DLGAP2: variants seen among roughly 807,000 people sequenced by gnomAD.
DLGAP2 encodes the protein DLG associated protein 2, also known as disks large-associated protein 2.
In DLGAP2, 26 loss-of-function variants were observed where a neutral mutation model predicts 100.3. The observed-to-expected ratio is 0.26, with a 90% CI of 0.19 to 0.36. The LOEUF (loss-of-function observed/expected upper bound fraction) is 0.36. DLGAP2 is among the 10% of genes least tolerant of loss of function. DLGAP2 has a pLI of 1.00. For synonymous variants in DLGAP2, 886 were observed against 630.1 expected (o/e 1.41, Z -6.08); for missense variants, 1,858 against 1,453.2 (o/e 1.28, Z -4.53).
At position 1,549,357 on chromosome 8, in the gene DLGAP2, A is replaced by T; in HGVS notation, c.904A>T (p.Asn302Tyr). 1 of 1,613,444 alleles carries T rather than the reference A, an allele frequency of 6.2e-7. No individual in the cohort carries two copies. Residue 302 changes from asparagine to tyrosine, a missense_variant, in exon 5 of 15, where the codon AAC (asparagine) becomes TAC (tyrosine). Physicochemically the swap from Asn to Tyr is moderately radical, Grantham distance 143. Coordinates refer to ENST00000637795, the MANE Select transcript of DLGAP2 (RefSeq NM_001346810.2). ...GMSSWWSSDD[N>Y]LDSDSTYRTP... is the part of the protein sequence containing the mutation. ...GAGCAGCTGGTGGAGCTCGGACGAC[A>T]ACCTGGACAGCGACAGCACCTATCG...
chr8:1,185,370 G>A (rs1797477388), intron 2 of DLGAP2, among the ~76,000 whole-genome samples: 1 of 152,078 alleles, frequency 6.6e-6, no homozygotes, highest in African/African-American at 2.4e-5. Flanking sequence ...TGTCTCCAGG[G>A]CACTTTCAGG....
chr8:967,476 G>C (rs114860025), intron 2 of DLGAP2, among the ~76,000 whole-genome samples: 1,701 of 152,074 alleles, frequency 0.011, 27 homozygotes, highest in African/African-American at 0.038. Flanking sequence ...TTGTTTGGAT[G>C]CCTTCATGAA....
chr8:1,521,899 C>T (rs1315127441), intron 4 of DLGAP2, among the ~76,000 whole-genome samples: 6 of 147,354 alleles, frequency 4.1e-5, no homozygotes, highest in South Asian at 4.4e-4. Flanking sequence ...TTGGAATACT[C>T]GGGTGGCAGG....
intron 1 of DLGAP2, among the ~76,000 whole-genome samples, chr8:842,906 C>A (rs972481020): frequency 1.3e-5 from 2 of 152,058 alleles, no homozygotes; most frequent in African/African-American, 4.8e-5. Flanking sequence ...TTACATTGTT[C>A]TTTTCTGCCT....
At chr8:843,772 G>A (rs537313146) in intron 1 of DLGAP2, among the ~76,000 whole-genome samples, 4 of 152,202 alleles carry the variant, frequency 2.6e-5, no homozygotes, top group African/African-American at 9.6e-5. Flanking sequence ...AGTTGTAAAG[G>A]AGGATTTAAA....
At chr8:1,136,161 T>C (rs717406) in intron 2 of DLGAP2, among the ~76,000 whole-genome samples, 128,740 of 152,134 alleles carry the variant, frequency 0.85, 54,857 homozygotes, top group Middle Eastern at 0.92. Context: ...AATCTGGTAT[T>C]GCACTGTCCC....
At chr8:1,529,154 T>A (rs1800898329) in intron 4 of DLGAP2, among the ~76,000 whole-genome samples, 1 of 152,104 alleles carries the variant, frequency 6.6e-6, no homozygotes, top group South Asian at 2.1e-4. Context: ...AAACTTACAA[T>A]CGTGGCGGAA....
chr8:1,689,276 AG>A (rs1188561515), intron 12 of DLGAP2, among the ~76,000 whole-genome samples: 1 of 152,212 alleles, frequency 6.6e-6, no homozygotes, highest in Non-Finnish European at 1.5e-5. Flanking sequence ...CCCGTGAGTC[AG>A]GCCATGCCCG....
At chr8:1,185,994 G>C (rs1356952022) in intron 2 of DLGAP2, among the ~76,000 whole-genome samples, 1 of 152,170 alleles carries the variant, frequency 6.6e-6, no homozygotes, top group Non-Finnish European at 1.5e-5. Flanking sequence ...AACCAGGCCA[G>C]CTTCCTTGCC....
intron 6 of DLGAP2, among the ~76,000 whole-genome samples, chr8:1,617,063 C>G (rs1265854415): frequency 1.3e-5 from 2 of 152,176 alleles, no homozygotes; most frequent in African/African-American, 4.8e-5. Flanking sequence ...AGGACATGAT[C>G]TCATTCTTTT....
At chr8:1,613,527 A>G (rs1797049573) in intron 6 of DLGAP2, among the ~76,000 whole-genome samples, 1 of 148,650 alleles carries the variant, frequency 6.7e-6, no homozygotes, top group African/African-American at 2.5e-5. Flanking sequence ...ATGTACCCTA[A>G]AACTTAAAGT....
At chr8:1,299,250 C>T (rs1257370999) in intron 3 of DLGAP2, among the ~76,000 whole-genome samples, 1 of 152,322 alleles carries the variant, frequency 6.6e-6, no homozygotes, top group Middle Eastern at 3.4e-3. Flanking sequence ...CAGTCCTGAC[C>T]GTCCACAGAG....
rs185763793 is a variant in DLGAP2 at position 1,514,560 on chromosome 8, C to T, written c.172+13129C>T. On this transcript the variant is annotated intron_variant, in intron 4 of 14. Transcript: ENST00000637795. ...TACACATGTGGTCAGGAGTGTGAAACTTCTATCAGCCATTTATGGGTGTTT... is the reference window on the plus strand; with the variant it reads ...TACACATGTGGTCAGGAGTGTGAAATTTCTATCAGCCATTTATGGGTGTTT... Among the ~76,000 whole-genome samples, 7 of 152,334 alleles carry T rather than the reference C, an allele frequency of 4.6e-5. No individual in the cohort carries two copies. The East Asian group carries it at 9.6e-4, about 21-fold the overall frequency.
At chr8:1,241,158 C>G (rs1407648842) in intron 2 of DLGAP2, among the ~76,000 whole-genome samples, 3 of 123,722 alleles carry the variant, frequency 2.4e-5, no homozygotes, top group Admixed American at 8.0e-5. Context: ...GGTGCCATGT[C>G]TAGTTCTCTC....
chr8:785,105 T>G (rs1821803069), intron 1 of DLGAP2, among the ~76,000 whole-genome samples: 1 of 151,176 alleles, frequency 6.6e-6, no homozygotes. Context: ...TAGTCCCAGC[T>G]ACTAGGGAGG....
At chr8:906,646 G>C (rs1032105551) in intron 1 of DLGAP2, among the ~76,000 whole-genome samples, 4 of 152,270 alleles carry the variant, frequency 2.6e-5, no homozygotes, top group South Asian at 2.1e-4. Context: ...AATACCGACA[G>C]CTTCCACGTG....
chr8:1,435,883 A>G (rs1418157219), intron 3 of DLGAP2, among the ~76,000 whole-genome samples: 1 of 152,116 alleles, frequency 6.6e-6, no homozygotes. Flanking sequence ...TTAAAAAGTA[A>G]ATTTAAAAAT....
Position 1,318,341 on chromosome 8 carries a change from C to T in DLGAP2, c.106+59458C>T, listed in dbSNP as rs548872959. ...AGCTTTATCAGTTCAGCTTTACTTT[C>T]CTGGATTTATTTTCAAAACCATCTT... On this transcript the variant is annotated intron_variant, in intron 3 of 14. Transcript: ENST00000637795. Among the ~76,000 whole-genome samples, 3 of 152,068 alleles carry T rather than the reference C, an allele frequency of 2.0e-5. No homozygotes were observed. The South Asian group carries it at 6.2e-4, about 32-fold the overall frequency.
intron 8 of DLGAP2, among the ~76,000 whole-genome samples, chr8:1,656,606 A>C (rs915397066): frequency 6.6e-6 from 1 of 152,212 alleles, no homozygotes; most frequent in African/African-American, 2.4e-5. Flanking sequence ...GAGGAAAGTC[A>C]GTTTTTACAC....
Sources: allele counts gnomAD v4.1 joint callset (sites outside exome capture counted in the v4.1 genomes callset), GRCh38; gene constraint gnomAD v4.1.1; transcripts MANE v1.5; gene names NCBI Gene and HGNC (gene_info 2026-07-23, HGNC 2026-07-21).